The following NDFIP1 variants were observed in gnomAD, a reference collection of about 807,000 sequenced individuals.
The protein encoded by NDFIP1 is Nedd4 family interacting protein 1.
Under a neutral mutation model 28.8 loss-of-function variants are expected in NDFIP1, and 7 were observed. That is an observed-to-expected ratio of 0.24 (90% confidence interval 0.14 to 0.46). The LOEUF (loss-of-function observed/expected upper bound fraction) is 0.46. Among genes scored for constraint, NDFIP1 ranks in the 20% least tolerant of loss-of-function variants. NDFIP1 has a pLI of 0.99. For synonymous variants in NDFIP1, 92 were observed against 101.0 expected (o/e 0.91, Z 0.53); for missense variants, 194 against 269.1 (o/e 0.72, Z 1.95).
chr5:142,133,994 G>A (rs933977912), intron 3 of NDFIP1: 1 of 152,240 alleles, frequency 6.6e-6, no homozygotes, highest in African/African-American at 2.4e-5. Flanking sequence ...CAGAAAGCAG[G>A]TGTGAATTCA....
chr5:142,149,675 A>G (rs951369846), intron 7 of NDFIP1, among the ~76,000 whole-genome samples: 7 of 152,040 alleles, frequency 4.6e-5, no homozygotes, highest in African/African-American at 1.2e-4. Flanking sequence ...TTTTATTTTA[A>G]TTTAATTTTT....
Position 142,152,542 on chromosome 5 carries a change from C to T in NDFIP1, c.*814C>T, listed in dbSNP as rs1757458274. On this transcript the variant is annotated 3_prime_UTR_variant, in exon 8 of 8. Coordinates refer to ENST00000253814, the MANE Select transcript of NDFIP1 (RefSeq NM_030571.4). ...TCCTTTTGTCTCCTGGTGATTAGGC[C>T]AAAGTCTGGGAGTAAGGAGAGGATT... is the stretch of plus-strand genomic sequence containing the variant. 7.3e-6 allele frequency: 1 copy of T among 137,778 alleles called. No individual in the cohort carries two copies. Among genetic ancestry groups the T allele is most frequent in the Admixed American group, 7.6e-5 (1 of 13,114 alleles). The allele number at this position is 137,778 out of a possible 1,614,324, so 8.5% of individuals were successfully genotyped here. A position where few individuals can be genotyped will look rare whatever the true frequency, so the allele number is the denominator to read the frequency against.
intron 7 of NDFIP1, among the ~76,000 whole-genome samples, chr5:142,150,587 T>C (rs1757435231): frequency 6.6e-6 from 1 of 151,942 alleles, no homozygotes; most frequent in African/African-American, 2.4e-5. Context: ...ACACCGGGCA[T>C]AGTGGTGCAC....
At position 142,109,033 on chromosome 5, in the gene NDFIP1, A is replaced by G; in HGVS notation, c.59A>G (p.Gln20Arg). 2 of 1,429,656 alleles carry G rather than the reference A, an allele frequency of 1.4e-6. No individual in the cohort carries two copies. The highest frequency in any genetic ancestry group is 1.8e-6 in the Non-Finnish European group (2 of 1,092,414). The allele number at this position is 1,429,656 out of a possible 1,614,324, so 88.6% of individuals were successfully genotyped here. A position where few individuals can be genotyped will look rare whatever the true frequency, so the allele number is the denominator to read the frequency against. The change falls in exon 1 of 8, where the codon CAG (glutamine) becomes CGG (arginine). Residue 20 changes from glutamine (Q) to arginine (R), a missense_variant. Coordinates refer to ENST00000253814, the MANE Select transcript of NDFIP1 (RefSeq NM_030571.4). ...AVEPACGSRY[Q>R]QLQNEEESGE... ...GAGCCGGCCTGCGGCAGCCGGTACC[A>G]GCAGGTAAGCGGCGCCCGACTCCAG...
At chr5:142,124,529 G>T (rs1204118218) in intron 1 of NDFIP1, among the ~76,000 whole-genome samples, 2 of 152,208 alleles carry the variant, frequency 1.3e-5, no homozygotes, top group Non-Finnish European at 2.9e-5. Context: ...CATATTAACA[G>T]TGATGATAAC....
At chr5:142,109,169 G>C in intron 1 of NDFIP1, 132 bp downstream of exon 1, 2 of 792,048 alleles carry the variant, frequency 2.5e-6, no homozygotes, top group Non-Finnish European at 3.4e-6. Flanking sequence ...TGGGCCTGGA[G>C]GGGCGGGTCG....
chr5:142,138,577 CTG>C (rs1757297086), intron 5 of NDFIP1, among the ~76,000 whole-genome samples: 1 of 152,198 alleles, frequency 6.6e-6, no homozygotes, highest in Non-Finnish European at 1.5e-5. Context: ...TGCTTGACCA[CTG>C]TAGTTTTTCT....
intron 1 of NDFIP1, among the ~76,000 whole-genome samples, chr5:142,112,597 C>T (rs1201782264): frequency 1.3e-5 from 2 of 149,050 alleles, no homozygotes; most frequent in African/African-American, 5.0e-5. Flanking sequence ...CGAGACCATC[C>T]TGGCTAACAT....
rs956720313 is a variant in NDFIP1 at position 142,145,533 on chromosome 5, G to T, written c.*2+857G>T. Among the ~76,000 whole-genome samples, 3 of 152,110 alleles carry T rather than the reference G, an allele frequency of 2.0e-5. No individual in the cohort carries two copies. The East Asian group carries it at 5.8e-4, about 29-fold the overall frequency. On this transcript the variant is annotated intron_variant, in intron 7 of 7. Transcript: ENST00000253814. ...CCACCTAGAGGCCAGTCCAGTTGAA[G>T]GTCTTAGGCAAAGCATTATAAAGGA...
intron 4 of NDFIP1, among the ~76,000 whole-genome samples, chr5:142,136,203 G>A (rs7733001): frequency 0.17 from 25,121 of 152,142 alleles, 3,043 homozygotes; most frequent in African/African-American, 0.34. Flanking sequence ...ATCAAAGTCA[G>A]CCTGATTTTC....
chr5:142,149,238 C>T (rs755250397), intron 7 of NDFIP1, among the ~76,000 whole-genome samples: 1 of 151,894 alleles, frequency 6.6e-6, no homozygotes, highest in Non-Finnish European at 1.5e-5. Flanking sequence ...TCTCCTGTTC[C>T]TTAATACTTC....
chr5:142,144,820 G>A, intron 7 of NDFIP1, 144 bp downstream of exon 7: 2 of 498,318 alleles, frequency 4.0e-6, no homozygotes, highest in African/African-American at 3.9e-5. Context: ...GCAGTTTCTT[G>A]TCTAGTAACA....
chr5:142,114,064 A>G (rs746372244), intron 1 of NDFIP1, among the ~76,000 whole-genome samples: 1 of 152,216 alleles, frequency 6.6e-6, no homozygotes, highest in African/African-American at 2.4e-5. Context: ...TCTTTTGGAT[A>G]TACCCAGAAA....
chr5:142,142,174 A>G (rs1473247191), intron 6 of NDFIP1, among the ~76,000 whole-genome samples: 1 of 152,000 alleles, frequency 6.6e-6, no homozygotes, highest in East Asian at 1.9e-4. Context: ...GTTTTGCCAA[A>G]ACTGACAGAG....
At chr5:142,130,362 A>G (rs1293215760) in intron 1 of NDFIP1, among the ~76,000 whole-genome samples, 2 of 152,202 alleles carry the variant, frequency 1.3e-5, no homozygotes. Context: ...GAGATAGGGA[A>G]AAGGGATATC....
intron 1 of NDFIP1, among the ~76,000 whole-genome samples, chr5:142,113,550 C>G (rs1054976583): frequency 6.6e-6 from 1 of 152,108 alleles, no homozygotes; most frequent in Admixed American, 6.5e-5. Context: ...CCTTTGAAAA[C>G]TTTAATTGTG....
At chr5:142,124,187 T>C (rs17287176) in intron 1 of NDFIP1, among the ~76,000 whole-genome samples, 6,850 of 152,176 alleles carry the variant, frequency 0.045, 200 homozygotes, top group Middle Eastern at 0.068. Context: ...CTAGAAATAT[T>C]TGGATGTCAG....
At position 142,108,959 on chromosome 5, in the gene NDFIP1, T is replaced by A; in HGVS notation, c.-16T>A. 2.1e-6 allele frequency: 3 copies of A among 1,437,766 alleles called. No individual in the cohort carries two copies. The South Asian group carries it at 4.1e-5, about 19-fold the overall frequency. 89.1% of individuals were successfully genotyped at this position (1,437,766 alleles called of 1,614,324 possible). A position where few individuals can be genotyped will look rare whatever the true frequency, so the allele number is the denominator to read the frequency against. On this transcript the variant is annotated 5_prime_UTR_variant, in exon 1 of 8. Coordinates refer to ENST00000253814, the MANE Select transcript of NDFIP1 (RefSeq NM_030571.4). ...AGCTCGCTCGCTCGCTCTGCTTCCC[T>A]GCTGCCGGCTGCGCCATGGCGTTGG...
At chr5:142,111,088 C>T (rs896202533) in intron 1 of NDFIP1, among the ~76,000 whole-genome samples, 5 of 151,668 alleles carry the variant, frequency 3.3e-5, no homozygotes, top group African/African-American at 9.7e-5. Context: ...CCCATATATA[C>T]GTATACAGAC....
Sources: gnomAD v4.1 joint callset for allele counts (sites outside exome capture counted in the v4.1 genomes callset) on GRCh38, gnomAD v4.1.1 for gene constraint, MANE v1.5 for transcripts, NCBI Gene and HGNC (gene_info 2026-07-23, HGNC 2026-07-21) for gene names.